Variants in STK3 observed in about 807,000 individuals in gnomAD.
The protein encoded by STK3 is serine/threonine kinase 3, also known as serine/threonine-protein kinase 3.
In STK3, 41 loss-of-function variants were observed where a neutral mutation model predicts 58.0. The ratio of observed to expected loss-of-function variants is 0.71; its 90% CI spans 0.55 to 0.92. The LOEUF (loss-of-function observed/expected upper bound fraction) is 0.92. Ranked by LOEUF, STK3 falls within the 40% of genes least tolerant of loss-of-function variation. The probability of loss-of-function intolerance (pLI) is 0.00; values close to 1 mark genes in which losing one functional copy is unlikely to be tolerated. For synonymous variants in STK3, 170 were observed against 191.0 expected (o/e 0.89, Z 0.91); for missense variants, 479 against 602.7 (o/e 0.79, Z 2.15).
At chr8:98,359,187 A>G in the STK3 span, among the ~76,000 whole-genome samples, 2 of 151,984 alleles carry the variant, frequency 1.3e-5, no homozygotes, top group African/African-American at 2.4e-5. Context: ...TCCAAAAGAC[A>G]GAGTCACCCA....
intron 10 of STK3, among the ~76,000 whole-genome samples, chr8:98,503,094 C>G (rs1443050738): frequency 6.6e-6 from 1 of 152,130 alleles, no homozygotes; most frequent in Admixed American, 6.5e-5. Context: ...TGTTATTGGT[C>G]TATTCAGAGA....
At chr8:98,665,906 T>C (rs1186439698) in intron 6 of STK3, among the ~76,000 whole-genome samples, 1 of 152,062 alleles carries the variant, frequency 6.6e-6, no homozygotes, top group Non-Finnish European at 1.5e-5. Context: ...GGTTTCACCA[T>C]GTTAGCCAGG....
chr8:98,381,669 G>T (rs1817734572), intron 1 of STK3, among the ~76,000 whole-genome samples: 2 of 152,220 alleles, frequency 1.3e-5, no homozygotes. Context: ...CACCTTTTGA[G>T]GTAGGTGTTA....
upstream of STK3, among the ~76,000 whole-genome samples, chr8:98,828,944 A>G (rs1835428427): frequency 6.6e-6 from 1 of 152,214 alleles, no homozygotes; most frequent in African/African-American, 2.4e-5. Context: ...GATAAATCGT[A>G]AGGGCACTGG....
intron 9 of STK3, among the ~76,000 whole-genome samples, chr8:98,527,438 G>A (rs1825831854): frequency 6.6e-6 from 1 of 151,964 alleles, no homozygotes; most frequent in Non-Finnish European, 1.5e-5. Context: ...AAGCAACATA[G>A]TGAAACTCTG....
the STK3 span, among the ~76,000 whole-genome samples, chr8:98,360,939 T>A: frequency 2.3e-4 from 35 of 152,090 alleles, no homozygotes; most frequent in Non-Finnish European, 4.4e-4. Flanking sequence ...GGTGTCAGAG[T>A]GTCCCTAAAC....
At position 98,495,365 on chromosome 8, in the gene STK3, CT is replaced by C. The variant is rs113438031; in HGVS notation, c.1317+31376del. On this transcript the variant is annotated intron_variant, in intron 10 of 10. Transcript: ENST00000419617. ...GGATCATATTTCTATATTACAGGTACTTTTTTTTTTCCTGAAAGTCTGTGAA... is the reference window on the plus strand; with the variant it reads ...GGATCATATTTCTATATTACAGGTACTTTTTTTTTCCTGAAAGTCTGTGAA... 7.7e-4 allele frequency among the ~76,000 whole-genome samples: 115 copies of C among 149,576 alleles called. 1 individual carries two copies. The highest frequency in any genetic ancestry group is 2.7e-3 in the African/African-American group (111 of 40,816).
intron 2 of STK3, among the ~76,000 whole-genome samples, chr8:98,374,331 G>A (rs994866535): frequency 6.6e-6 from 1 of 152,212 alleles, no homozygotes; most frequent in African/African-American, 2.4e-5. Flanking sequence ...TAAGCCAACA[G>A]TCCAGGTACC....
intron 1 of STK3, among the ~76,000 whole-genome samples, chr8:98,821,088 T>G (rs1267460418): frequency 6.6e-6 from 1 of 152,146 alleles, no homozygotes; most frequent in Non-Finnish European, 1.5e-5. Flanking sequence ...CACAATACAG[T>G]GGACCAGTAC....
intron 6 of STK3, among the ~76,000 whole-genome samples, chr8:98,623,316 C>G (rs936297677): frequency 6.6e-6 from 1 of 152,198 alleles, no homozygotes; most frequent in African/African-American, 2.4e-5. Context: ...CCCCCCACCA[C>G]CACCACTACC....
At chr8:98,671,719 C>T (rs144064219) in intron 6 of STK3, among the ~76,000 whole-genome samples, 3,782 of 152,130 alleles carry the variant, frequency 0.025, 69 homozygotes, top group Non-Finnish European at 0.036. Context: ...GTAGCTGGGA[C>T]CATAGGCACA....
At chr8:98,439,458 G>T (rs1818613466) in intron 1 of STK3, among the ~76,000 whole-genome samples, 1 of 152,172 alleles carries the variant, frequency 6.6e-6, no homozygotes, top group African/African-American at 2.4e-5. Context: ...GCTTTCCTGA[G>T]AGGCACATTT....
chr8:98,894,255 A>G (rs567441991), intron 1 of STK3, among the ~76,000 whole-genome samples: 1 of 152,158 alleles, frequency 6.6e-6, no homozygotes, highest in African/African-American at 2.4e-5. Flanking sequence ...CCACCCCCAC[A>G]TATTTCATTG....
intron 3 of STK3, among the ~76,000 whole-genome samples, chr8:98,872,049 T>A (rs1220455135): frequency 6.6e-6 from 1 of 152,228 alleles, no homozygotes; most frequent in South Asian, 2.1e-4. Flanking sequence ...GTTTTTAGCA[T>A]GAAGGGCTGT....
intron 3 of STK3, among the ~76,000 whole-genome samples, chr8:98,403,525 T>C (rs901603146): frequency 1.3e-5 from 2 of 152,148 alleles, no homozygotes; most frequent in African/African-American, 4.8e-5. Flanking sequence ...GGAAAATACA[T>C]GTCCTGGAAT....
intron 6 of STK3, among the ~76,000 whole-genome samples, chr8:98,691,931 CA>C (rs34109446): frequency 0.34 from 35,293 of 104,332 alleles, 4,389 homozygotes; most frequent in East Asian, 0.48. Flanking sequence ...AACTCCGCCT[CA>C]AAAAAAAAAA....
At chr8:98,518,751 A>G (rs1825136541) in intron 10 of STK3, among the ~76,000 whole-genome samples, 1 of 152,148 alleles carries the variant, frequency 6.6e-6, no homozygotes. Context: ...AGATTTCGTG[A>G]GCTGGCAAAG....
In STK3 at chr8:98,822,404, G is replaced by A. The variant is rs544039872; in HGVS notation, c.26+3111C>T. On this transcript the variant is annotated intron_variant, in intron 1 of 10. Coordinates refer to ENST00000419617, the MANE Select transcript of STK3 (RefSeq NM_006281.4). Reference sequence around the variant, plus strand: ...TAGCTCACTGAAACCTCCCACTGCTGGGCTCAAGCAATCCTCCCACCTCAG... The same window carrying A: ...TAGCTCACTGAAACCTCCCACTGCTAGGCTCAAGCAATCCTCCCACCTCAG... 3.9e-5 allele frequency among the ~76,000 whole-genome samples: 6 copies of A among 152,216 alleles called. No homozygotes were observed. The East Asian group carries it at 7.7e-4, about 20-fold the overall frequency.
intron 6 of STK3, among the ~76,000 whole-genome samples, chr8:98,678,864 G>C (rs193289481): frequency 1.3e-5 from 2 of 152,208 alleles, no homozygotes; most frequent in African/African-American, 4.8e-5. Flanking sequence ...TAGCAAACAT[G>C]CATCACATTT....
Sources: allele counts gnomAD v4.1 joint callset (sites outside exome capture counted in the v4.1 genomes callset), GRCh38; gene constraint gnomAD v4.1.1; transcripts MANE v1.5; gene names NCBI Gene and HGNC (gene_info 2026-07-23, HGNC 2026-07-21).